Variants in ROBO1 observed in about 807,000 individuals in gnomAD.
The protein encoded by ROBO1 is roundabout homolog 1.
Under a neutral mutation model 195.9 loss-of-function variants are expected in ROBO1, and 149 were observed. The ratio of observed to expected loss-of-function variants is 0.76; its 90% CI spans 0.67 to 0.87. The LOEUF (loss-of-function observed/expected upper bound fraction) is 0.87. ROBO1 is among the 40% of genes least tolerant of loss of function. The probability of loss-of-function intolerance (pLI) is 0.00; values close to 1 mark genes in which losing one functional copy is unlikely to be tolerated. For missense variants in ROBO1, 1,933 were observed against 2,068.3 expected (o/e 0.93, Z 1.27); for synonymous variants, 816 against 733.2 (o/e 1.11, Z -1.82).
chr3:79,574,091 G>T (rs182653160), intron 2 of ROBO1, among the ~76,000 whole-genome samples: 8 of 152,060 alleles, frequency 5.3e-5, no homozygotes, highest in Admixed American at 1.3e-4. Context: ...AAATTTTAGG[G>T]TGGTTATGTT....
chr3:79,021,650 GATTT>G (rs1218226350), intron 3 of ROBO1, among the ~76,000 whole-genome samples: 12 of 110,554 alleles, frequency 1.1e-4, no homozygotes, highest in African/African-American at 4.2e-4. Context: ...TCCTAGAGAT[GATTT>G]TTTTTTTTTT....
chr3:78,711,083 G>A (rs1042823733), intron 8 of ROBO1, among the ~76,000 whole-genome samples: 1 of 152,016 alleles, frequency 6.6e-6, no homozygotes, highest in African/African-American at 2.4e-5. Flanking sequence ...ACAACATGAC[G>A]TTATGAGATA....
At chr3:79,053,271 C>T (rs1233764379) in intron 3 of ROBO1, among the ~76,000 whole-genome samples, 1 of 151,940 alleles carries the variant, frequency 6.6e-6, no homozygotes, top group Non-Finnish European at 1.5e-5. Context: ...GTTAGCTGAT[C>T]AGCCTCTCCC....
intron 3 of ROBO1, among the ~76,000 whole-genome samples, chr3:78,997,616 C>T (rs940735644): frequency 1.3e-4 from 20 of 151,968 alleles, no homozygotes; most frequent in African/African-American, 4.6e-4. Flanking sequence ...GGAGTGGAAG[C>T]AAACAAATGT....
chr3:79,156,714 CT>C (rs1277988060), intron 2 of ROBO1, among the ~76,000 whole-genome samples: 2 of 151,750 alleles, frequency 1.3e-5, no homozygotes, highest in African/African-American at 4.8e-5. Context: ...AATAAATATG[CT>C]ACTAAAATTA....
chr3:78,637,368 T>C (rs1450289189), intron 22 of ROBO1, among the ~76,000 whole-genome samples: 4 of 152,168 alleles, frequency 2.6e-5, no homozygotes, highest in African/African-American at 7.2e-5. Context: ...AGAAATACTA[T>C]AAAGATCATG....
At chr3:79,400,409 A>C (rs1418145134) in intron 2 of ROBO1, among the ~76,000 whole-genome samples, 1 of 152,098 alleles carries the variant, frequency 6.6e-6, no homozygotes, top group Non-Finnish European at 1.5e-5. Flanking sequence ...TGGATTCCCA[A>C]AATTACCCTC....
intron 3 of ROBO1, among the ~76,000 whole-genome samples, chr3:79,115,090 C>T (rs528345546): frequency 6.6e-6 from 1 of 152,208 alleles, no homozygotes; most frequent in Admixed American, 6.5e-5. Flanking sequence ...ATGATTGAGC[C>T]TCTGATCAGG....
intron 2 of ROBO1, among the ~76,000 whole-genome samples, chr3:79,519,522 G>C (rs537709342): frequency 6.7e-6 from 1 of 150,038 alleles, no homozygotes; most frequent in Non-Finnish European, 1.5e-5. Context: ...TCAGCTATTC[G>C]AGAGGCTGAG....
chr3:78,767,027 T>A (rs1181295130), intron 4 of ROBO1, among the ~76,000 whole-genome samples: 1 of 152,230 alleles, frequency 6.6e-6, no homozygotes, highest in Non-Finnish European at 1.5e-5. Context: ...AGCTACAATT[T>A]TGTTAAGGAT....
In ROBO1 at chr3:78,770,614, GA is replaced by G. The variant is rs2083348782; in HGVS notation, c.500-23715del. On this transcript the variant is annotated intron_variant, in intron 4 of 30. Coordinates refer to ENST00000464233, the MANE Select transcript of ROBO1 (RefSeq NM_002941.4). ...GGTTGATAGTTTCTTTTGCTGTACA[GA>G]AGCTCTTTAGTTTAATGAGGCTCCA... Among the ~76,000 whole-genome samples the G allele has an allele frequency of 2.0e-5, 3 of 152,134 alleles. No individual in the cohort carries two copies. The South Asian group carries it at 6.2e-4, about 31-fold the overall frequency.
chr3:78,929,300 C>T (rs2039380576), intron 4 of ROBO1, among the ~76,000 whole-genome samples: 1 of 152,072 alleles, frequency 6.6e-6, no homozygotes, highest in African/African-American at 2.4e-5. Flanking sequence ...TAACCAGATG[C>T]ACCTTTCCAT....
intron 2 of ROBO1, among the ~76,000 whole-genome samples, chr3:79,566,597 G>C (rs949426603): frequency 2.6e-5 from 4 of 152,142 alleles, no homozygotes; most frequent in Middle Eastern, 6.8e-3. Flanking sequence ...AGTTATATTT[G>C]TGGCATCATC....
At chr3:79,066,167 A>T (rs1008196746) in intron 3 of ROBO1, among the ~76,000 whole-genome samples, 3 of 151,866 alleles carry the variant, frequency 2.0e-5, no homozygotes, top group Non-Finnish European at 2.9e-5. Flanking sequence ...TTAAGTTTTT[A>T]AAAAATCAGT....
chr3:79,141,886 A>G (rs2108614662), intron 2 of ROBO1, among the ~76,000 whole-genome samples: 1 of 152,224 alleles, frequency 6.6e-6, no homozygotes, highest in South Asian at 2.1e-4. Context: ...TATTATAATT[A>G]TACATACCAC....
intron 2 of ROBO1, among the ~76,000 whole-genome samples, chr3:79,272,488 T>C (rs968682547): frequency 1.3e-5 from 2 of 151,992 alleles, no homozygotes; most frequent in Non-Finnish European, 2.9e-5. Flanking sequence ...GGTTTTAACA[T>C]CATATTAAGG....
intron 2 of ROBO1, among the ~76,000 whole-genome samples, chr3:79,177,569 C>T (rs1230671029): frequency 1.3e-5 from 2 of 152,312 alleles, no homozygotes; most frequent in East Asian, 3.9e-4. Flanking sequence ...CTCTCATGGA[C>T]TGAAGGACAA....
Position 78,848,177 on chromosome 3 carries a change from T to A in ROBO1, c.499+90424A>T, listed in dbSNP as rs116262426. Among the ~76,000 whole-genome samples, 372 of 152,268 alleles carry A rather than the reference T, an allele frequency of 2.4e-3. 1 individual carries two copies. The highest frequency in any genetic ancestry group is 8.6e-3 in the African/African-American group (356 of 41,564). ...AGTTCAAACTGGCCTATTAGCTATCTTAAAGGGCAAAATAGATGTTTATTT... is the reference window on the plus strand; with the variant it reads ...AGTTCAAACTGGCCTATTAGCTATCATAAAGGGCAAAATAGATGTTTATTT... On this transcript the variant is annotated intron_variant, in intron 4 of 30. Coordinates refer to ENST00000464233, the MANE Select transcript of ROBO1 (RefSeq NM_002941.4).
At chr3:79,099,071 C>A (rs2079626018) in intron 3 of ROBO1, among the ~76,000 whole-genome samples, 1 of 151,702 alleles carries the variant, frequency 6.6e-6, no homozygotes, top group African/African-American at 2.4e-5. Context: ...CTCAGATATT[C>A]AAAAATTCTT....
Sources: gnomAD v4.1 joint callset for allele counts (sites outside exome capture counted in the v4.1 genomes callset) on GRCh38, gnomAD v4.1.1 for gene constraint, MANE v1.5 for transcripts, NCBI Gene and HGNC (gene_info 2026-07-23, HGNC 2026-07-21) for gene names.